The following FRAS1 variants were observed in gnomAD, a reference collection of about 807,000 sequenced individuals.
FRAS1 encodes Fraser extracellular matrix complex subunit 1.
A neutral mutation model predicts 435.2 loss-of-function variants in FRAS1; 290 were observed. The ratio of observed to expected loss-of-function variants is 0.67; its 90% confidence interval spans 0.61 to 0.73. The LOEUF is 0.73. Among genes scored for constraint, FRAS1 ranks in the 30% least tolerant of loss-of-function variants. The pLI, the probability that FRAS1 is intolerant of heterozygous loss-of-function variation, is 0.00. For missense variants in FRAS1, 4,860 were observed against 5,001.5 expected (o/e 0.97, Z 0.85); for synonymous variants, 1,800 against 1,851.0 (o/e 0.97, Z 0.71).
intron 2 of FRAS1, among the ~76,000 whole-genome samples, chr4:78,211,685 T>TA (rs79621724): frequency 2.0e-5 from 3 of 152,172 alleles, no homozygotes; most frequent in Admixed American, 6.5e-5. Context: ...TCCCCTCTTT[T>TA]AAAAAAAATT....
At chr4:78,170,481 T>G (rs1376240495) in intron 2 of FRAS1, among the ~76,000 whole-genome samples, 1 of 152,146 alleles carries the variant, frequency 6.6e-6, no homozygotes, top group African/African-American at 2.4e-5. Context: ...TGGCTAATTA[T>G]TTTCATATAC....
intron 59 of FRAS1, among the ~76,000 whole-genome samples, chr4:78,493,362 T>A (rs1720420797): frequency 6.6e-6 from 1 of 152,204 alleles, no homozygotes; most frequent in African/African-American, 2.4e-5. Flanking sequence ...CATGTATATT[T>A]ATTGCAGCAC....
At chr4:78,444,001 A>T (rs1202075369) in intron 41 of FRAS1, 1 of 350,302 alleles carries the variant, frequency 2.9e-6, no homozygotes, top group Non-Finnish European at 5.6e-6. Flanking sequence ...GGCATCCGCC[A>T]TCATGCCTGG....
chr4:78,446,204 A>G, intron 42 of FRAS1: 1 of 997,628 alleles, frequency 1.0e-6, no homozygotes, highest in Non-Finnish European at 1.2e-6. Context: ...TAAATCTCAG[A>G]ATGAAATACC....
chr4:78,296,999 T>G (rs931249933), intron 14 of FRAS1, among the ~76,000 whole-genome samples: 2 of 152,016 alleles, frequency 1.3e-5, no homozygotes, highest in East Asian at 3.9e-4. Flanking sequence ...ACAGAAAAAA[T>G]TTTTCATTCA....
chr4:78,314,141 C>G (rs1223762157), intron 15 of FRAS1, among the ~76,000 whole-genome samples: 1 of 151,982 alleles, frequency 6.6e-6, no homozygotes, highest in African/African-American at 2.4e-5. Flanking sequence ...TACCCAGGTC[C>G]TTGCCCACTT....
intron 43 of FRAS1, among the ~76,000 whole-genome samples, chr4:78,447,229 G>A (rs776511064): frequency 7.3e-6 from 1 of 137,698 alleles, no homozygotes; most frequent in Non-Finnish European, 1.5e-5. Context: ...ATAATCTTGA[G>A]CCATTTTATG....
intron 2 of FRAS1, among the ~76,000 whole-genome samples, chr4:78,112,152 G>T (rs1291602004): frequency 6.6e-6 from 1 of 152,080 alleles, no homozygotes; most frequent in South Asian, 2.1e-4. Flanking sequence ...TTCTCCAAAG[G>T]AGAAAGGAAA....
At chr4:78,240,284 G>A (rs1724945423) in intron 3 of FRAS1, among the ~76,000 whole-genome samples, 1 of 152,184 alleles carries the variant, frequency 6.6e-6, no homozygotes, top group Admixed American at 6.5e-5. Flanking sequence ...GAAATGAGGA[G>A]ATCAGTTCAG....
chr4:78,261,417 C>G (rs1054493782), intron 6 of FRAS1, among the ~76,000 whole-genome samples: 1 of 152,104 alleles, frequency 6.6e-6, no homozygotes, highest in Non-Finnish European at 1.5e-5. Flanking sequence ...TCTGGACATG[C>G]TATCCCCAAA....
chr4:78,076,449 A>G (rs982155695), intron 2 of FRAS1, among the ~76,000 whole-genome samples: 4 of 152,160 alleles, frequency 2.6e-5, no homozygotes, highest in Non-Finnish European at 5.9e-5. Context: ...TCCAGTTAGT[A>G]ATAGGAAAAA....
intron 14 of FRAS1, among the ~76,000 whole-genome samples, chr4:78,298,062 C>A (rs1728229023): frequency 8.0e-6 from 1 of 124,290 alleles, no homozygotes; most frequent in Non-Finnish European, 1.8e-5. Context: ...ATTACTAATC[C>A]TCTTTATATA....
At chr4:78,489,144 A>C in intron 59 of FRAS1, 64 bp downstream of exon 59, 1 of 1,476,732 alleles carries the variant, frequency 6.8e-7, no homozygotes, top group South Asian at 1.3e-5. Context: ...TCTGTAATGA[A>C]GTCATTTATA....
At chr4:78,145,789 T>C (rs1720394299) in intron 2 of FRAS1, among the ~76,000 whole-genome samples, 1 of 152,162 alleles carries the variant, frequency 6.6e-6, no homozygotes, top group South Asian at 2.1e-4. Flanking sequence ...TTCCTACGTG[T>C]TGTGGGAAGC....
chr4:78,073,249 T>C (rs1560508011), intron 2 of FRAS1, among the ~76,000 whole-genome samples: 1 of 152,216 alleles, frequency 6.6e-6, no homozygotes, highest in Admixed American at 6.5e-5. Flanking sequence ...AGAGGAATAA[T>C]ACAAGAGATT....
intron 8 of FRAS1, 125 bp from the exon 9 acceptor site, chr4:78,267,116 A>G: frequency 2.0e-6 from 2 of 1,010,868 alleles, no homozygotes; most frequent in Non-Finnish European, 3.0e-6. Flanking sequence ...GACCCTGCCC[A>G]TCGTGGGTCG....
chr4:78,197,667 A>C (rs1722872116), intron 2 of FRAS1, among the ~76,000 whole-genome samples: 1 of 151,880 alleles, frequency 6.6e-6, no homozygotes, highest in Non-Finnish European at 1.5e-5. Context: ...CTGGGCTGGG[A>C]GTGGTGGCTC....
At chr4:78,117,656 T>C (rs527674275) in intron 2 of FRAS1, among the ~76,000 whole-genome samples, 110 of 152,366 alleles carry the variant, frequency 7.2e-4, no homozygotes, top group African/African-American at 2.5e-3. Context: ...CATGTAGTTC[T>C]CGTGCCATGG....
At chr4:78,515,318 G>A (rs1036826157) in intron 65 of FRAS1, among the ~76,000 whole-genome samples, 3 of 124,862 alleles carry the variant, frequency 2.4e-5, no homozygotes, top group Non-Finnish European at 3.4e-5. Context: ...ATGTAGGTAT[G>A]CTGGCTTTTT....
Sources: allele counts gnomAD v4.1 joint callset (sites outside exome capture counted in the v4.1 genomes callset), GRCh38; gene constraint gnomAD v4.1.1; transcripts MANE v1.5; gene names NCBI Gene and HGNC (gene_info 2026-07-23, HGNC 2026-07-21).